EFNA5: variants seen among roughly 807,000 people sequenced by gnomAD.
The protein encoded by EFNA5 is ephrin A5.
In EFNA5, 5 loss-of-function variants were observed where a neutral mutation model predicts 22.9. The observed-to-expected ratio is 0.22, with a 90% CI of 0.11 to 0.46. The LOEUF is 0.46. EFNA5 is among the 20% of genes least tolerant of loss of function. EFNA5 has a pLI of 0.99. For synonymous variants in EFNA5, 113 were observed against 112.2 expected (o/e 1.01, Z -0.04); for missense variants, 237 against 293.3 (o/e 0.81, Z 1.40).
intron 1 of EFNA5, among the ~76,000 whole-genome samples, chr5:107,560,631 C>A (rs1318093355): frequency 6.6e-6 from 1 of 152,198 alleles, no homozygotes; most frequent in Non-Finnish European, 1.5e-5. Context: ...TATGCTACTA[C>A]CTAGCTGTGT....
chr5:107,386,428 G>A (rs538416762), intron 4 of EFNA5, among the ~76,000 whole-genome samples: 9 of 152,218 alleles, frequency 5.9e-5, no homozygotes, highest in South Asian at 2.1e-4. Context: ...ATTGATAACC[G>A]AATGGATATT....
chr5:107,641,512 T>C (rs916799825), intron 1 of EFNA5, among the ~76,000 whole-genome samples: 1 of 152,162 alleles, frequency 6.6e-6, no homozygotes, highest in African/African-American at 2.4e-5. Flanking sequence ...CACAAGAGCA[T>C]GGTAGGCTGT....
chr5:107,412,977 T>C (rs1001264506), intron 2 of EFNA5, among the ~76,000 whole-genome samples: 4 of 152,276 alleles, frequency 2.6e-5, no homozygotes, highest in African/African-American at 7.2e-5. Context: ...CCATAAAAAT[T>C]TGTCATGGAA....
Position 107,622,042 on chromosome 5 carries a change from GA to G in EFNA5, c.125+48446del, listed in dbSNP as rs879737225. Among the ~76,000 whole-genome samples the G allele has an allele frequency of 7.3e-3, 1,003 of 136,704 alleles. 12 individuals are homozygous for G. Among genetic ancestry groups the G allele is most frequent in the African/African-American group, 0.021 (772 of 37,638 alleles). The allele number at this position is 136,704 out of a possible 152,430, so 89.7% of individuals were successfully genotyped here. A position where few individuals can be genotyped will look rare whatever the true frequency, so the allele number is the denominator to read the frequency against. On this transcript the variant is annotated intron_variant, in intron 1 of 4. Coordinates refer to ENST00000333274, the MANE Select transcript of EFNA5 (RefSeq NM_001962.3). ...TTAACTGAATGCATAACTGCCTTAA[GA>G]AAAAAAAAAAAGACTCAATTTTATA...
At chr5:107,569,747 G>A (rs1748755283) in intron 1 of EFNA5, among the ~76,000 whole-genome samples, 2 of 146,484 alleles carry the variant, frequency 1.4e-5, no homozygotes, top group Non-Finnish European at 3.0e-5. Context: ...AGCTACTTGG[G>A]AGGCTGAGGC....
At chr5:107,498,448 A>C (rs1481096014) in intron 1 of EFNA5, among the ~76,000 whole-genome samples, 1 of 152,310 alleles carries the variant, frequency 6.6e-6, no homozygotes, top group South Asian at 2.1e-4. Context: ...CAGCTTCCAT[A>C]ATCCACTTAC....
chr5:107,574,404 C>T (rs561202467), intron 1 of EFNA5, among the ~76,000 whole-genome samples: 1 of 152,116 alleles, frequency 6.6e-6, no homozygotes, highest in Non-Finnish European at 1.5e-5. Flanking sequence ...GATACCAAAC[C>T]CCCTCAGATT....
chr5:107,498,955 A>AGTATGTATGTATATAT, intron 1 of EFNA5, among the ~76,000 whole-genome samples: 1 of 148,576 alleles, frequency 6.7e-6, no homozygotes, highest in African/African-American at 2.5e-5. Flanking sequence ...TATGTATATA[A>AGTATGTATGTATATAT]GTATGTATGT....
chr5:107,486,690 A>G (rs1746630453), intron 1 of EFNA5, among the ~76,000 whole-genome samples: 1 of 152,188 alleles, frequency 6.6e-6, no homozygotes, highest in African/African-American at 2.4e-5. Flanking sequence ...GTTTGTGTTG[A>G]GATGACAAAA....
chr5:107,514,357 A>G (rs1022343820), intron 1 of EFNA5, among the ~76,000 whole-genome samples: 2 of 152,206 alleles, frequency 1.3e-5, no homozygotes, highest in Non-Finnish European at 2.9e-5. Flanking sequence ...ATCAGAAAGA[A>G]AGCATTTGTG....
chr5:107,515,763 G>C (rs1747461478), intron 1 of EFNA5, among the ~76,000 whole-genome samples: 3 of 152,096 alleles, frequency 2.0e-5, no homozygotes, highest in Admixed American at 1.3e-4. Flanking sequence ...CAGAACTCTG[G>C]GTACTTCCTA....
At chr5:107,583,799 T>C (rs1462752738) in intron 1 of EFNA5, among the ~76,000 whole-genome samples, 10 of 152,220 alleles carry the variant, frequency 6.6e-5, no homozygotes, top group Admixed American at 6.5e-4. Flanking sequence ...ATCAATCTTT[T>C]ATTTGATCAT....
intron 1 of EFNA5, among the ~76,000 whole-genome samples, chr5:107,442,087 T>C (rs903598888): frequency 1.3e-5 from 2 of 152,320 alleles, no homozygotes; most frequent in Non-Finnish European, 2.9e-5. Flanking sequence ...CCTGGCTTTG[T>C]ATCCTAGACA....
chr5:107,622,615 G>A (rs975380591), intron 1 of EFNA5, among the ~76,000 whole-genome samples: 7 of 152,050 alleles, frequency 4.6e-5, no homozygotes, highest in African/African-American at 1.7e-4. Flanking sequence ...GTTTACCTAC[G>A]TTCTCTAAGT....
At chr5:107,503,562 T>A (rs923442743) in intron 1 of EFNA5, among the ~76,000 whole-genome samples, 7 of 152,144 alleles carry the variant, frequency 4.6e-5, no homozygotes, top group Non-Finnish European at 7.3e-5. Context: ...TAAGAGTAAA[T>A]CATTTAACCT....
chr5:107,568,457 C>CA (rs1748709107), intron 1 of EFNA5, among the ~76,000 whole-genome samples: 1 of 152,120 alleles, frequency 6.6e-6, no homozygotes, highest in African/African-American at 2.4e-5. Context: ...GGAGGGGAAG[C>CA]AATGGTGAAA....
At chr5:107,537,807 C>G (rs766784312) in intron 1 of EFNA5, among the ~76,000 whole-genome samples, 1 of 152,140 alleles carries the variant, frequency 6.6e-6, no homozygotes, top group African/African-American at 2.4e-5. Context: ...AAACATCACG[C>G]TAATTACTGT....
At chr5:107,494,189 C>T (rs2112417305) in intron 1 of EFNA5, among the ~76,000 whole-genome samples, 1 of 152,292 alleles carries the variant, frequency 6.6e-6, no homozygotes, top group East Asian at 1.9e-4. Context: ...CTGTGGGAGC[C>T]CTTTTCTGGG....
intron 2 of EFNA5, among the ~76,000 whole-genome samples, chr5:107,422,922 T>C (rs765470304): frequency 1.3e-5 from 2 of 152,182 alleles, no homozygotes; most frequent in Non-Finnish European, 2.9e-5. Flanking sequence ...TCAATAACCC[T>C]AACACGCCTC....
Sources: allele counts gnomAD v4.1 joint callset (sites outside exome capture counted in the v4.1 genomes callset), GRCh38; gene constraint gnomAD v4.1.1; transcripts MANE v1.5; gene names NCBI Gene and HGNC (gene_info 2026-07-23, HGNC 2026-07-21).